Variants in ELMO2 observed in about 807,000 individuals in gnomAD.
ELMO2 encodes the protein engulfment and cell motility protein 2.
ELMO2 carries 37 observed loss-of-function variants against 96.2 expected under a neutral mutation model. That is an observed-to-expected ratio of 0.38 (90% confidence interval 0.30 to 0.51). ELMO2 has a LOEUF of 0.51. Among genes scored for constraint, ELMO2 ranks in the 20% least tolerant of loss-of-function variants. ELMO2 has a pLI of 0.88. For synonymous variants in ELMO2, 315 were observed against 329.4 expected (o/e 0.96, Z 0.47); for missense variants, 561 against 912.6 (o/e 0.61, Z 4.96).
At chr20:46,393,465 C>T (rs1038307976) in intron 5 of ELMO2, 64 bp downstream of exon 5, 40 of 1,540,328 alleles carry the variant, frequency 2.6e-5, no homozygotes, top group South Asian at 1.8e-4. Context: ...TAAATAGTGC[C>T]GTCTCCTTGG....
rs146276812 is a variant in ELMO2, at chr20:46,367,430, T to G, written c.2093A>C (p.Gln698Pro). 28 of 1,612,868 alleles carry G rather than the reference T, an allele frequency of 1.7e-5. No homozygotes were observed. The highest frequency in any genetic ancestry group is 2.4e-5 in the Non-Finnish European group (28 of 1,179,582). The change falls in exon 22 of 22, where the codon CAG (glutamine) becomes CCG (proline). Residue 698 changes from glutamine (Q) to proline (P), a missense_variant. Gln to Pro is a moderately conservative substitution (Grantham distance 76). Transcript: ENST00000290246. ...KLRLLDLENI[Q>P]IPEAPPPIPK... ...GATGGGGGGTGGGGCTTCGGGAATC[T>G]GGATGTTCTCCAGGTCCAGGAGCCG...
intron 2 of ELMO2, among the ~76,000 whole-genome samples, chr20:46,396,642 A>G (rs1300763931): frequency 6.6e-6 from 1 of 152,176 alleles, no homozygotes. Flanking sequence ...TTTTTAGATC[A>G]TTTGTTTAGT....
intron 1 of ELMO2, among the ~76,000 whole-genome samples, chr20:46,400,695 A>G (rs1375825741): frequency 6.6e-6 from 1 of 152,280 alleles, no homozygotes; most frequent in Non-Finnish European, 1.5e-5. Context: ...TGACAATTTT[A>G]CTATAAGTCA....
chr20:46,373,986 G>A (rs1310471396), intron 15 of ELMO2, among the ~76,000 whole-genome samples: 1 of 144,968 alleles, frequency 6.9e-6, no homozygotes, highest in East Asian at 2.0e-4. Flanking sequence ...CTGGAATGCA[G>A]TGGCATGACT....
In ELMO2 at chr20:46,405,835, G is replaced by A. The variant is rs376432407; in HGVS notation, c.-126+713C>T. On this transcript the variant is annotated intron_variant, in intron 1 of 21. Transcript: ENST00000290246. ...GGAGGCGGAGGTTGCTGTGAGCCGA[G>A]ATCGCGCCATTGCACTCCAGCCTGG... Among the ~76,000 whole-genome samples, 359 of 152,274 alleles carry A rather than the reference G, an allele frequency of 2.4e-3. 1 individual carries two copies. The highest frequency in any genetic ancestry group is 8.2e-3 in the African/African-American group (341 of 41,552).
intron 2 of ELMO2, among the ~76,000 whole-genome samples, chr20:46,395,578 A>C (rs2060229462): frequency 6.6e-6 from 1 of 152,210 alleles, no homozygotes; most frequent in Non-Finnish European, 1.5e-5. Context: ...TCGCGAGGCT[A>C]TTATGCATGT....
intron 1 of ELMO2, among the ~76,000 whole-genome samples, chr20:46,400,557 G>A (rs1465959553): frequency 2.0e-5 from 3 of 152,234 alleles, no homozygotes; most frequent in African/African-American, 4.8e-5. Flanking sequence ...CAGGCCCAGA[G>A]GGCCCCTTCC....
intron 7 of ELMO2, among the ~76,000 whole-genome samples, chr20:46,388,363 A>G (rs1662904798): frequency 6.6e-6 from 1 of 152,198 alleles, no homozygotes; most frequent in South Asian, 2.1e-4. Flanking sequence ...TAGTTGATCT[A>G]TGGGCTGAGA....
chr20:46,389,563 G>A (rs2060114415), intron 6 of ELMO2, among the ~76,000 whole-genome samples: 1 of 152,172 alleles, frequency 6.6e-6, no homozygotes, highest in Admixed American at 6.5e-5. Context: ...TTCTATTTAA[G>A]CTGTCTTGCT....
Position 46,383,423 on chromosome 20 carries a change from T to C in ELMO2, c.749A>G (p.Lys250Arg), listed in dbSNP as rs774923913. ...GAAAAGGCAGCCACAGACCTGTCGTTTGTCCTCAGGAGCCTTCAGAAAAAG... is the reference window on the plus strand; with the variant it reads ...GAAAAGGCAGCCACAGACCTGTCGTCTGTCCTCAGGAGCCTTCAGAAAAAG... ...NALFLKAPEDKRQDMANAFAQ... is the reference protein window; with the variant it reads ...NALFLKAPEDRRQDMANAFAQ... The change falls in exon 10 of 22, where the codon AAA (lysine) becomes AGA (arginine). Residue 250 changes from lysine (K) to arginine (R), a missense_variant. By Grantham distance (26) the Lys-to-Arg change is conservative. Transcript: ENST00000290246. 21 of 1,611,910 alleles carry C rather than the reference T, an allele frequency of 1.3e-5. No individual in the cohort carries two copies. The highest frequency in any genetic ancestry group is 1.7e-5 in the Admixed American group (1 of 59,978).
At chr20:46,393,713 C>A in intron 4 of ELMO2, 112 bp from the exon 5 acceptor site, 1 of 1,178,366 alleles carries the variant, frequency 8.5e-7, no homozygotes, top group Non-Finnish European at 1.2e-6. Context: ...ATTTGGAATA[C>A]AGTGGAAACA....
intron 8 of ELMO2, among the ~76,000 whole-genome samples, chr20:46,386,719 T>C (rs1244746340): frequency 6.6e-6 from 1 of 152,204 alleles, no homozygotes; most frequent in Non-Finnish European, 1.5e-5. Context: ...CATTATAATA[T>C]CCTTGACACA....
intron 6 of ELMO2, among the ~76,000 whole-genome samples, chr20:46,391,965 C>G (rs974378034): frequency 5.3e-5 from 8 of 152,230 alleles, no homozygotes; most frequent in African/African-American, 1.7e-4. Context: ...AACCAAGCTT[C>G]TTGATACAGC....
At chr20:46,389,274 C>T (rs1260460366) in intron 6 of ELMO2, 54 bp from the exon 7 acceptor site, 1 of 1,559,554 alleles carries the variant, frequency 6.4e-7, no homozygotes, top group Non-Finnish European at 8.7e-7. Flanking sequence ...CAGGTTACTA[C>T]TCTGTGGATA....
Position 46,393,530 on chromosome 20 carries a change from T to C in ELMO2, c.191A>G (p.Gln64Arg), listed in dbSNP as rs1281388430. ...GATTTTGCCTCTCCCTGTACTAACCTGTTCGGTGATGTACAGCTGAGGACC... is the reference window on the plus strand; with the variant it reads ...GATTTTGCCTCTCCCTGTACTAACCCGTTCGGTGATGTACAGCTGAGGACC... Reference protein sequence around the residue: ...ADGPQLYITEQTRSDIKNGTI... With the variant: ...ADGPQLYITERTRSDIKNGTI... Residue 64 changes from glutamine (Q) to arginine (R), a missense_variant and splice_region_variant, in exon 5 of 22, where the codon CAG (glutamine) becomes CGG (arginine). Physicochemically the swap from Gln to Arg is conservative, Grantham distance 43. Coordinates refer to ENST00000290246, the MANE Select transcript of ELMO2 (RefSeq NM_133171.5). 1 of 1,614,154 alleles carries C rather than the reference T, an allele frequency of 6.2e-7. No homozygotes were observed. The highest frequency in any genetic ancestry group is 8.5e-7 in the Non-Finnish European group (1 of 1,180,012).
chr20:46,375,198 G>A lies in ELMO2; in HGVS notation c.1065+38C>T. On this transcript the variant is annotated intron_variant, in intron 13 of 21. Transcript: ENST00000290246. This position sits in a 1 kb window ranked among gnomAD's most constrained non-coding sequence, Gnocchi z 4.6. ...TGGGACCATTGACTTCCCATCAGGG[G>A]AGAGGGCCTACCACCGTCTATGCTC... is the stretch of plus-strand genomic sequence containing the variant. 6.2e-7 allele frequency: 1 copy of A among 1,601,542 alleles called. No homozygotes were observed. The highest frequency in any genetic ancestry group is 8.5e-7 in the Non-Finnish European group (1 of 1,174,694).
chr20:46,372,769 C>CA (rs2059752076), intron 16 of ELMO2: 2 of 152,220 alleles, frequency 1.3e-5, no homozygotes, highest in African/African-American at 2.4e-5. Flanking sequence ...TATGATCTTG[C>CA]TAATGAAGGA....
At chr20:46,375,000 C>G (rs1176152105) in intron 13 of ELMO2, among the ~76,000 whole-genome samples, 1 of 152,218 alleles carries the variant, frequency 6.6e-6, no homozygotes, top group Non-Finnish European at 1.5e-5. Flanking sequence ...TCTACCCACT[C>G]TAGCTGACCG....
Position 46,375,647 on chromosome 20 carries a change from G to T in ELMO2, c.930+21C>A. 2 of 1,613,942 alleles carry T rather than the reference G, an allele frequency of 1.2e-6. No individual in the cohort carries two copies. The highest frequency in any genetic ancestry group is 1.7e-6 in the Non-Finnish European group (2 of 1,179,826). On this transcript the variant is annotated intron_variant, in intron 12 of 21. Transcript: ENST00000290246. The surrounding 1 kb of genome is among the most constrained non-coding windows in gnomAD (Gnocchi z 4.6). ...ACTGCACCACAGCCATGAGAAAACA[G>T]CTGCCCCACTTAGCACCTACCTGGT... is the stretch of plus-strand genomic sequence containing the variant.
Sources: allele counts gnomAD v4.1 joint callset (sites outside exome capture counted in the v4.1 genomes callset), GRCh38; gene constraint gnomAD v4.1.1; non-coding constraint Gnocchi (gnomAD v3.1); transcripts MANE v1.5; gene names NCBI Gene and HGNC (gene_info 2026-07-23, HGNC 2026-07-21).